Variants in SAMSN1 observed in about 807,000 individuals in gnomAD.
The protein encoded by SAMSN1 is SAM domain, SH3 domain and nuclear localization signals 1.
Under a neutral mutation model 42.0 loss-of-function variants are expected in SAMSN1, and 31 were observed. The observed-to-expected ratio is 0.74, with a 90% CI of 0.55 to 1.00. The LOEUF is 1.00. Ranked by LOEUF, SAMSN1 falls within the 50% of genes least tolerant of loss-of-function variation. The pLI is 0.00. For synonymous variants in SAMSN1, 178 were observed against 151.9 expected, an observed-to-expected ratio of 1.17 and a Z score of -1.26; for missense variants, 464 against 439.4, an observed-to-expected ratio of 1.06 and a Z score of -0.50.
chr21:14,530,118 C>A (rs1379446117), intron 1 of SAMSN1, among the ~76,000 whole-genome samples: 1 of 152,072 alleles, frequency 6.6e-6, no homozygotes, highest in African/African-American at 2.4e-5. Flanking sequence ...AGATCCAGAC[C>A]ACCCTGGCTA....
At chr21:14,628,852 TG>T in intron 2 of SAMSN1, among the ~76,000 whole-genome samples, 1 of 152,342 alleles carries the variant, frequency 6.6e-6, no homozygotes, top group East Asian at 1.9e-4. Context: ...AAATGCTTTT[TG>T]TGTAGTAATT....
chr21:14,623,466 G>T (rs1485649826), intron 2 of SAMSN1, among the ~76,000 whole-genome samples: 1 of 152,040 alleles, frequency 6.6e-6, no homozygotes, highest in African/African-American at 2.4e-5. Flanking sequence ...AAAAGGCAGG[G>T]GTTGCAATCC....
upstream of SAMSN1, among the ~76,000 whole-genome samples, chr21:14,588,347 G>T (rs1981986368): frequency 7.4e-6 from 1 of 135,594 alleles, no homozygotes; most frequent in South Asian, 2.6e-4. Context: ...GGTTGAACTA[G>T]TTTACAGTCC....
upstream of SAMSN1, among the ~76,000 whole-genome samples, chr21:14,551,099 CAG>C (rs1024770896): frequency 2.0e-5 from 3 of 151,930 alleles, no homozygotes; most frequent in African/African-American, 7.2e-5. Context: ...AATGTATTGA[CAG>C]AAAAGGATCT....
intron 3 of SAMSN1, 54 bp from the exon 4 acceptor site, chr21:14,512,627 T>C (rs1365886776): frequency 6.6e-7 from 1 of 1,513,370 alleles, no homozygotes; most frequent in Non-Finnish European, 9.2e-7. Flanking sequence ...CACAGAGATG[T>C]ACATTGAGTA....
intron 1 of SAMSN1, among the ~76,000 whole-genome samples, chr21:14,545,312 T>C (rs1260208110): frequency 6.6e-6 from 1 of 152,026 alleles, no homozygotes; most frequent in Non-Finnish European, 1.5e-5. Context: ...TGAAAATGGG[T>C]GCCTAACATA....
chr21:14,552,190 C>A (rs866608591), intron 2 of SAMSN1, among the ~76,000 whole-genome samples: 1 of 152,196 alleles, frequency 6.6e-6, no homozygotes, highest in Middle Eastern at 3.4e-3. Flanking sequence ...TGTTGAGACA[C>A]TTATTGGCCC....
intron 4 of SAMSN1, 85 bp from the exon 5 acceptor site, chr21:14,510,546 G>T: frequency 1.4e-6 from 2 of 1,466,266 alleles, no homozygotes; most frequent in African/African-American, 1.4e-5. Context: ...TATTGATAAT[G>T]CTGGAACACT....
intron 2 of SAMSN1, 101 bp downstream of exon 2, chr21:14,521,048 TG>T: frequency 1.4e-6 from 1 of 722,440 alleles, no homozygotes; most frequent in Non-Finnish European, 2.3e-6. Context: ...AATTTTAAAA[TG>T]TATTCATTTT....
chr21:14,571,335 C>T (rs546466992), intron 2 of SAMSN1, among the ~76,000 whole-genome samples: 97 of 152,238 alleles, frequency 6.4e-4, no homozygotes, highest in African/African-American at 2.3e-3. Flanking sequence ...GATAAAAAAT[C>T]CTTTCTATGA....
chr21:14,588,627 C>T lies in SAMSN1; in HGVS notation c.466-4851G>A, dbSNP rs184651860. ...CTAGAACTATGCTCCAAATATGATGCTCATCCCATCTTCTTCAACTCAGTG... is the reference window on the plus strand; with the variant it reads ...CTAGAACTATGCTCCAAATATGATGTTCATCCCATCTTCTTCAACTCAGTG... On this transcript the variant is annotated intron_variant, in intron 7 of 15. Transcript: ENST00000647101. Among the ~76,000 whole-genome samples the T allele has an allele frequency of 3.5e-4, 54 of 152,322 alleles. No homozygotes were observed. In the East Asian group the frequency reaches 0.01, roughly 28 times the overall value.
intron 5 of SAMSN1, 33 bp downstream of exon 5, chr21:14,510,277 C>T: frequency 1.2e-6 from 2 of 1,605,932 alleles, no homozygotes; most frequent in Non-Finnish European, 1.7e-6. Flanking sequence ...ATTTGACAGA[C>T]CATTCAGAAG....
chr21:14,619,923 G>A (rs1982955975), intron 2 of SAMSN1, among the ~76,000 whole-genome samples: 1 of 149,282 alleles, frequency 6.7e-6, no homozygotes, highest in Admixed American at 6.6e-5. Context: ...TTTTCTCTGA[G>A]TATAGAGCAG....
At chr21:14,496,512 T>C (rs934422960) in intron 7 of SAMSN1, 1 of 152,220 alleles carries the variant, frequency 6.6e-6, no homozygotes, top group Admixed American at 6.5e-5. Flanking sequence ...ACACTGGACA[T>C]TGTCCATAAT....
At chr21:14,593,368 A>C (rs188784286) in intron 7 of SAMSN1, among the ~76,000 whole-genome samples, 100 of 152,278 alleles carry the variant, frequency 6.6e-4, no homozygotes, top group African/African-American at 2.4e-3. Flanking sequence ...TAGTTGTTTC[A>C]TATCAATAAT....
intron 2 of SAMSN1, among the ~76,000 whole-genome samples, chr21:14,565,111 A>G (rs1981069422): frequency 6.6e-6 from 1 of 152,012 alleles, no homozygotes; most frequent in South Asian, 2.1e-4. Flanking sequence ...CCTGGCCAAC[A>G]TGGTGAAACC....
intron 5 of SAMSN1, among the ~76,000 whole-genome samples, chr21:14,607,646 G>T (rs915433308): frequency 1.3e-5 from 2 of 152,162 alleles, no homozygotes; most frequent in African/African-American, 4.8e-5. Flanking sequence ...CTCTGACAAA[G>T]CAACCAGAAG....
chr21:14,650,070 A>C (rs466592), intron 1 of SAMSN1, among the ~76,000 whole-genome samples: 35,253 of 152,038 alleles, frequency 0.23, 4,603 homozygotes, highest in African/African-American at 0.36. Context: ...ATAAAGAGGG[A>C]TAGGACCAAA....
chr21:14,552,107 C>G (rs1195860955), intron 2 of SAMSN1, among the ~76,000 whole-genome samples: 1 of 152,072 alleles, frequency 6.6e-6, no homozygotes, highest in Non-Finnish European at 1.5e-5. Context: ...ATCCAGAGCT[C>G]TTTTCTATAA....
Sources: allele counts gnomAD v4.1 joint callset (sites outside exome capture counted in the v4.1 genomes callset), GRCh38; gene constraint gnomAD v4.1.1; transcripts MANE v1.5; gene names NCBI Gene and HGNC (gene_info 2026-07-23, HGNC 2026-07-21).